KSR2: variants seen among roughly 807,000 people sequenced by gnomAD.
KSR2 encodes kinase suppressor of ras 2.
A neutral mutation model predicts 107.8 loss-of-function variants in KSR2; 25 were observed. That is an observed-to-expected ratio of 0.23 (90% CI 0.17 to 0.32). KSR2 has a LOEUF of 0.32. Among genes scored for constraint, KSR2 ranks in the 10% least tolerant of loss-of-function variants. The pLI, the probability that KSR2 is intolerant of heterozygous loss-of-function variation, is 1.00. For missense variants in KSR2, 887 were observed against 1,268.9 expected, an observed-to-expected ratio of 0.70 and a Z score of 4.57; for synonymous variants, 480 against 507.0, an observed-to-expected ratio of 0.95 and a Z score of 0.71.
At position 117,950,749 on chromosome 12, in the gene KSR2, A is replaced by AATAATAATAATAATAATAAT. The variant is rs1555260903; in HGVS notation, c.180+17326_180+17327insATTATTATTATTATTATTAT. 5.3e-5 allele frequency among the ~76,000 whole-genome samples: 7 copies of AATAATAATAATAATAATAAT among 132,148 alleles called. No individual in the cohort carries two copies. In the East Asian group the frequency reaches 1.1e-3, roughly 20 times the overall value. The allele number at this position is 132,148 out of a possible 152,430, so 86.7% of individuals were successfully genotyped here. A position where few individuals can be genotyped will look rare whatever the true frequency, so the allele number is the denominator to read the frequency against. On this transcript the variant is annotated intron_variant, in intron 1 of 19. Coordinates refer to ENST00000339824, the MANE Select transcript of KSR2 (RefSeq NM_173598.6). ...GAGCAAGACTCTGTAAAAAAAAAAA[A>AATAATAATAATAATAATAAT]AATAATAATAATAATAATAATGATA...
At chr12:117,510,877 CAAAA>C (rs58668449) in intron 14 of KSR2, among the ~76,000 whole-genome samples, 14 of 103,152 alleles carry the variant, frequency 1.4e-4, no homozygotes, top group East Asian at 2.8e-4. Flanking sequence ...GACCCTGTCT[CAAAA>C]AAAAAAAAAA....
rs570232402 is a variant in KSR2, at chr12:117,461,418, A to T, written c.*5781T>A. The T allele has an allele frequency of 6.6e-6, 1 of 152,340 alleles. No homozygotes were observed. The highest frequency in any genetic ancestry group is 6.5e-5 in the Admixed American group (1 of 15,284). The allele number at this position is 152,340 out of a possible 1,614,324, so 9.4% of individuals were successfully genotyped here. A position where few individuals can be genotyped will look rare whatever the true frequency, so the allele number is the denominator to read the frequency against. ...CTGTGCCAGGGTCTTACTCTTACCC[A>T]GCAAACCTCTCTGTCTGCATTCTGT... On this transcript the variant is annotated 3_prime_UTR_variant, in exon 20 of 20. Coordinates refer to ENST00000339824, the MANE Select transcript of KSR2 (RefSeq NM_173598.6).
intron 3 of KSR2, among the ~76,000 whole-genome samples, chr12:117,790,153 C>A (rs1360675533): frequency 1.3e-5 from 2 of 152,154 alleles, no homozygotes; most frequent in African/African-American, 4.8e-5. Flanking sequence ...CAGGTCTCAA[C>A]CAATTTAGAA....
chr12:117,812,672 G>C (rs1891232843), intron 3 of KSR2, among the ~76,000 whole-genome samples: 2 of 151,900 alleles, frequency 1.3e-5, no homozygotes, highest in Non-Finnish European at 2.9e-5. Flanking sequence ...AAAATGGAAA[G>C]ATATCCCATG....
intron 14 of KSR2, among the ~76,000 whole-genome samples, chr12:117,522,213 T>C (rs1874798348): frequency 6.6e-6 from 1 of 152,180 alleles, no homozygotes; most frequent in African/African-American, 2.4e-5. Context: ...CACATTTTCA[T>C]AATGACCACT....
chr12:117,508,618 G>A (rs1027772404), intron 14 of KSR2, among the ~76,000 whole-genome samples: 5 of 152,160 alleles, frequency 3.3e-5, no homozygotes, highest in Middle Eastern at 6.8e-3. Flanking sequence ...TGGGTGGATG[G>A]CTAGATTAAT....
intron 16 of KSR2, among the ~76,000 whole-genome samples, chr12:117,483,859 T>C (rs1404997662): frequency 6.6e-6 from 1 of 152,232 alleles, no homozygotes; most frequent in African/African-American, 2.4e-5. Flanking sequence ...GTTCTCATTT[T>C]ATCCTCACGA....
chr12:117,778,154 T>C (rs1889760391), intron 3 of KSR2, among the ~76,000 whole-genome samples: 1 of 152,226 alleles, frequency 6.6e-6, no homozygotes, highest in Non-Finnish European at 1.5e-5. Context: ...TCTCTCTCTG[T>C]TGTCCAAGCA....
intron 1 of KSR2, 100 bp downstream of exon 1, chr12:117,967,976 A>G: frequency 8.9e-7 from 1 of 1,121,566 alleles, no homozygotes. Flanking sequence ...CCCAATAAAC[A>G]GAATCAGAGG....
intron 5 of KSR2, among the ~76,000 whole-genome samples, chr12:117,595,015 C>T (rs1415400516): frequency 2.0e-5 from 3 of 152,166 alleles, no homozygotes; most frequent in African/African-American, 4.8e-5. Flanking sequence ...TCGCCTGATA[C>T]AATCCATTAA....
intron 3 of KSR2, among the ~76,000 whole-genome samples, chr12:117,843,997 TAATA>T: frequency 6.7e-6 from 1 of 149,720 alleles, no homozygotes; most frequent in Non-Finnish European, 1.5e-5. Context: ...GTCTAACATC[TAATA>T]AATTCCATTT....
intron 19 of KSR2, 58 bp from the exon 20 acceptor site, chr12:117,467,263 A>G (rs2137107370): frequency 1.5e-6 from 1 of 676,090 alleles, no homozygotes; most frequent in Non-Finnish European, 2.7e-6. Context: ...TGATGATGTC[A>G]TCCGTTGTGA....
chr12:117,603,985 A>G (rs1227941561), intron 5 of KSR2, among the ~76,000 whole-genome samples: 1 of 152,172 alleles, frequency 6.6e-6, no homozygotes. Flanking sequence ...ATCACCAACC[A>G]TGGAGTGGTT....
At chr12:117,725,894 T>C (rs183382099) in intron 4 of KSR2, among the ~76,000 whole-genome samples, 31 of 152,038 alleles carry the variant, frequency 2.0e-4, no homozygotes, top group African/African-American at 7.2e-4. Flanking sequence ...TTGCAGGGTG[T>C]GGTGGCTCAT....
intron 4 of KSR2, among the ~76,000 whole-genome samples, chr12:117,693,094 C>A (rs1016080967): frequency 1.3e-5 from 2 of 152,104 alleles, no homozygotes; most frequent in East Asian, 1.9e-4. Context: ...ACTGTGTAAT[C>A]CAAAGAAATG....
At position 117,516,808 on chromosome 12, in the gene KSR2, GTC is replaced by G. The variant is rs1342003752; in HGVS notation, c.2219+8042_2219+8043del. Among the ~76,000 whole-genome samples, 3 of 152,176 alleles carry G rather than the reference GTC, an allele frequency of 2.0e-5. No homozygotes were observed. The East Asian group carries it at 5.8e-4, about 29-fold the overall frequency. ...TCATGAAACAGGGTTGCTGGTATGA[GTC>G]TATTTCTCATGGGAGAAGAAGATCT... On this transcript the variant is annotated intron_variant, in intron 14 of 19. Transcript: ENST00000339824.
intron 1 of KSR2, among the ~76,000 whole-genome samples, chr12:117,952,984 C>CA (rs33941668): frequency 0.76 from 76,700 of 100,796 alleles, 28,894 homozygotes; most frequent in Middle Eastern, 0.85. Context: ...GACTCCATCT[C>CA]AAAAAAAAAA....
At chr12:117,727,741 G>A (rs1056445769) in intron 4 of KSR2, among the ~76,000 whole-genome samples, 3 of 152,160 alleles carry the variant, frequency 2.0e-5, no homozygotes, top group Admixed American at 6.5e-5. Context: ...CTGGAACTGT[G>A]AGACAATGGA....
chr12:117,672,422 A>G (rs1884949350), intron 4 of KSR2, among the ~76,000 whole-genome samples: 1 of 152,130 alleles, frequency 6.6e-6, no homozygotes, highest in Non-Finnish European at 1.5e-5. Context: ...GAGAATACTA[A>G]CACCAATCTC....
Sources: gnomAD v4.1 joint callset for allele counts (sites outside exome capture counted in the v4.1 genomes callset) on GRCh38, gnomAD v4.1.1 for gene constraint, MANE v1.5 for transcripts, NCBI Gene and HGNC (gene_info 2026-07-23, HGNC 2026-07-21) for gene names.